The following CTNND2 variants were observed in gnomAD, a reference collection of about 807,000 sequenced individuals.
CTNND2 encodes the protein catenin delta 2, also known as catenin delta-2.
Under a neutral mutation model 144.4 loss-of-function variants are expected in CTNND2, and 22 were observed. The ratio of observed to expected loss-of-function variants is 0.15; its 90% CI spans 0.11 to 0.22. CTNND2 has a LOEUF of 0.22. Ranked by LOEUF, CTNND2 falls within the 10% of genes least tolerant of loss-of-function variation. The probability of loss-of-function intolerance (pLI) is 1.00; values close to 1 mark genes in which losing one functional copy is unlikely to be tolerated. For missense variants in CTNND2, 1,353 were observed against 1,618.8 expected, an observed-to-expected ratio of 0.84 and a Z score of 2.82; for synonymous variants, 751 against 695.6, an observed-to-expected ratio of 1.08 and a Z score of -1.25.
chr5:11,241,410 C>T (rs1173850985), intron 9 of CTNND2, among the ~76,000 whole-genome samples: 2 of 152,156 alleles, frequency 1.3e-5, no homozygotes, highest in African/African-American at 4.8e-5. Flanking sequence ...GGAAGGTGAA[C>T]GTAAGTTAGC....
At chr5:11,631,066 TA>T (rs1044172913) in intron 2 of CTNND2, among the ~76,000 whole-genome samples, 1 of 152,150 alleles carries the variant, frequency 6.6e-6, no homozygotes, top group Non-Finnish European at 1.5e-5. Flanking sequence ...TTTGATGTAG[TA>T]ATATAATGTC....
In CTNND2 at chr5:11,338,204, G is replaced by A. The variant is rs188687125; in HGVS notation, c.1628+8168C>T. On this transcript the variant is annotated intron_variant, in intron 9 of 21. Transcript: ENST00000304623. Reference sequence around the variant, plus strand: ...AGAAGGAGGCGAACATGTGAAAGTCGCTTTAGCTGCTATATGTTGGCTCTA... The same window carrying A: ...AGAAGGAGGCGAACATGTGAAAGTCACTTTAGCTGCTATATGTTGGCTCTA... Among the ~76,000 whole-genome samples, 23 of 152,298 alleles carry A rather than the reference G, an allele frequency of 1.5e-4. 1 individual carries two copies. In the East Asian group the frequency reaches 4.3e-3, roughly 28 times the overall value.
At chr5:11,090,930 A>G (rs1351260726) in intron 15 of CTNND2, among the ~76,000 whole-genome samples, 1 of 151,594 alleles carries the variant, frequency 6.6e-6, no homozygotes, top group Non-Finnish European at 1.5e-5. Flanking sequence ...GGATGCTTTG[A>G]AGATTTTCTT....
intron 21 of CTNND2, among the ~76,000 whole-genome samples, chr5:10,979,003 T>G (rs1044518444): frequency 1.3e-5 from 2 of 152,200 alleles, no homozygotes; most frequent in African/African-American, 4.8e-5. Flanking sequence ...CCTGGCCATG[T>G]CAGGGCGTTT....
At chr5:11,848,232 T>C (rs1794838100) in intron 1 of CTNND2, among the ~76,000 whole-genome samples, 1 of 152,072 alleles carries the variant, frequency 6.6e-6, no homozygotes, top group African/African-American at 2.4e-5. Context: ...TAACCTGGTC[T>C]AAAAAAGTAC....
At chr5:11,075,636 C>T (rs1218608484) in intron 16 of CTNND2, among the ~76,000 whole-genome samples, 5 of 152,238 alleles carry the variant, frequency 3.3e-5, no homozygotes, top group Admixed American at 3.3e-4. Flanking sequence ...TGGCAAGTTG[C>T]CACCACCCGG....
chr5:11,886,545 A>G (rs1478474079), intron 1 of CTNND2, among the ~76,000 whole-genome samples: 1 of 152,198 alleles, frequency 6.6e-6, no homozygotes, highest in East Asian at 1.9e-4. Context: ...TGTTTAGTAT[A>G]AGTGTGTCCC....
intron 13 of CTNND2, among the ~76,000 whole-genome samples, chr5:11,111,831 C>T (rs1302731766): frequency 6.6e-6 from 1 of 152,056 alleles, no homozygotes; most frequent in Non-Finnish European, 1.5e-5. Flanking sequence ...GAATAATGGC[C>T]CTCCCAGAAG....
chr5:11,690,118 A>C (rs1227316174), intron 2 of CTNND2, among the ~76,000 whole-genome samples: 1 of 152,238 alleles, frequency 6.6e-6, no homozygotes, highest in Admixed American at 6.5e-5. Flanking sequence ...AAACGACTTA[A>C]ATGAAAGTGA....
At chr5:11,129,413 G>C (rs376698570) in intron 12 of CTNND2, among the ~76,000 whole-genome samples, 6 of 142,882 alleles carry the variant, frequency 4.2e-5, no homozygotes, top group African/African-American at 7.9e-5. Context: ...ATGCCGTGAG[G>C]CCAGGCCACT....
chr5:11,086,593 G>C (rs1308442962), intron 15 of CTNND2, among the ~76,000 whole-genome samples: 1 of 152,192 alleles, frequency 6.6e-6, no homozygotes, highest in Non-Finnish European at 1.5e-5. Context: ...AGATGAACCT[G>C]AAGTAAATTA....
rs116909137 is a variant in CTNND2, at chr5:11,227,981, T to G, written c.1761+8710A>C. Among the ~76,000 whole-genome samples, 143 of 152,248 alleles carry G rather than the reference T, an allele frequency of 9.4e-4. No homozygotes were observed. In the East Asian group the frequency reaches 0.026, roughly 28 times the overall value. ...GCTGTTTTCCCTGACTCCACAAGGC[T>G]GGGATGTAAGCTGGACTCTCGCCAG... On this transcript the variant is annotated intron_variant, in intron 10 of 21. Coordinates refer to ENST00000304623, the MANE Select transcript of CTNND2 (RefSeq NM_001332.4).
At chr5:11,901,434 T>A (rs528573380) in intron 1 of CTNND2, among the ~76,000 whole-genome samples, 2 of 152,372 alleles carry the variant, frequency 1.3e-5, no homozygotes, top group East Asian at 3.9e-4. Context: ...ATTTGCAAAC[T>A]AGTATTTGAA....
chr5:11,159,056 T>TA (rs1243083415), intron 12 of CTNND2, among the ~76,000 whole-genome samples: 1 of 152,186 alleles, frequency 6.6e-6, no homozygotes, highest in Non-Finnish European at 1.5e-5. Flanking sequence ...TTTCATTATT[T>TA]AAAAAACCAT....
chr5:11,838,770 T>C (rs1480509308), intron 1 of CTNND2, among the ~76,000 whole-genome samples: 1 of 152,208 alleles, frequency 6.6e-6, no homozygotes, highest in African/African-American at 2.4e-5. Context: ...GTCTTTGATA[T>C]TGTGTCATAT....
At chr5:11,632,861 GA>G (rs1460575661) in intron 2 of CTNND2, among the ~76,000 whole-genome samples, 1 of 152,144 alleles carries the variant, frequency 6.6e-6, no homozygotes, top group African/African-American at 2.4e-5. Flanking sequence ...CTGAGATGAA[GA>G]GCTCACTAGA....
chr5:11,202,357 T>C (rs1373569048), intron 10 of CTNND2, among the ~76,000 whole-genome samples: 1 of 152,222 alleles, frequency 6.6e-6, no homozygotes, highest in Non-Finnish European at 1.5e-5. Flanking sequence ...GTTTTCAGTA[T>C]GGCCCTAATT....
intron 9 of CTNND2, among the ~76,000 whole-genome samples, chr5:11,284,044 G>A (rs1747462537): frequency 6.6e-6 from 1 of 152,108 alleles, no homozygotes; most frequent in South Asian, 2.1e-4. Context: ...CCTTTACTGA[G>A]GAAAGCCCAG....
At chr5:11,331,958 T>G (rs1277067324) in intron 9 of CTNND2, among the ~76,000 whole-genome samples, 1 of 152,144 alleles carries the variant, frequency 6.6e-6, no homozygotes, top group South Asian at 2.1e-4. Flanking sequence ...CTTGAGGTGA[T>G]AGGTAAGCTA....
Sources: gnomAD v4.1 joint callset for allele counts (sites outside exome capture counted in the v4.1 genomes callset) on GRCh38, gnomAD v4.1.1 for gene constraint, MANE v1.5 for transcripts, NCBI Gene and HGNC (gene_info 2026-07-23, HGNC 2026-07-21) for gene names.